Variants in UNC13C observed in about 807,000 individuals in gnomAD.
The protein encoded by UNC13C is unc-13 homolog C.
In UNC13C, 174 loss-of-function variants were observed where a neutral mutation model predicts 245.4. The ratio of observed to expected loss-of-function variants is 0.71; its 90% CI spans 0.63 to 0.80. UNC13C has a LOEUF of 0.80. Ranked by LOEUF, UNC13C falls within the 30% of genes least tolerant of loss-of-function variation. The pLI is 0.00. For missense variants in UNC13C, 2,829 were observed against 2,602.9 expected, an observed-to-expected ratio of 1.09 and a Z score of -1.89; for synonymous variants, 992 against 895.1, an observed-to-expected ratio of 1.11 and a Z score of -1.93.
At chr15:54,586,536 C>A (rs1029909579) in intron 30 of UNC13C, among the ~76,000 whole-genome samples, 3 of 152,204 alleles carry the variant, frequency 2.0e-5, no homozygotes, top group Non-Finnish European at 4.4e-5. Context: ...ATCCTTGTCA[C>A]CTCATCTAAC....
At position 54,601,512 on chromosome 15, in the gene UNC13C, T is replaced by C. The variant is rs530787726; in HGVS notation, c.6107-20815T>C. On this transcript the variant is annotated intron_variant, in intron 30 of 32. Transcript: ENST00000260323. Reference sequence around the variant, plus strand: ...CACAGAAGAAAAGACAGACACAAAATGTGGGCAAAGTGGTGTAGAAATTGT... The same window carrying C: ...CACAGAAGAAAAGACAGACACAAAACGTGGGCAAAGTGGTGTAGAAATTGT... 5.3e-5 allele frequency among the ~76,000 whole-genome samples: 8 copies of C among 152,150 alleles called. No homozygotes were observed. The South Asian group carries it at 1.7e-3, about 32-fold the overall frequency.
At chr15:54,225,582 A>C (rs2035357887) in intron 4 of UNC13C, among the ~76,000 whole-genome samples, 1 of 152,118 alleles carries the variant, frequency 6.6e-6, no homozygotes, top group Non-Finnish European at 1.5e-5. Context: ...TGTGAATGAG[A>C]GTTCACTCAT....
intron 1 of UNC13C, among the ~76,000 whole-genome samples, chr15:53,990,993 A>G (rs976063671): frequency 2.6e-5 from 4 of 152,010 alleles, no homozygotes; most frequent in Admixed American, 2.6e-4. Flanking sequence ...CCAGTGGAAC[A>G]CTGAGAGTGG....
chr15:54,615,685 TGG>T (rs1900386834), intron 30 of UNC13C, among the ~76,000 whole-genome samples: 1 of 152,060 alleles, frequency 6.6e-6, no homozygotes, highest in Non-Finnish European at 1.5e-5. Flanking sequence ...AGGCATTAGT[TGG>T]GGTTGAAAGT....
intron 17 of UNC13C, among the ~76,000 whole-genome samples, chr15:54,379,846 AATT>A (rs2039683144): frequency 6.6e-6 from 1 of 152,124 alleles, no homozygotes. Context: ...TGGGTTTTAA[AATT>A]ATTATTTTTT....
intron 13 of UNC13C, among the ~76,000 whole-genome samples, chr15:54,311,288 A>G (rs900888755): frequency 3.3e-5 from 5 of 151,930 alleles, no homozygotes; most frequent in African/African-American, 1.2e-4. Context: ...ACAGGTGGCA[A>G]CTACTCCTAA....
chr15:54,442,896 T>C (rs1339401229), intron 19 of UNC13C, among the ~76,000 whole-genome samples: 2 of 152,144 alleles, frequency 1.3e-5, no homozygotes, highest in African/African-American at 4.8e-5. Context: ...TGTGTCCTTT[T>C]CTGGTTTTAG....
intron 17 of UNC13C, among the ~76,000 whole-genome samples, chr15:54,351,944 A>T (rs1405814147): frequency 1.3e-5 from 2 of 151,986 alleles, no homozygotes; most frequent in African/African-American, 4.8e-5. Context: ...CTGATTCTAA[A>T]ATCAGGAGGT....
chr15:53,994,109 T>G (rs929491942), intron 1 of UNC13C, among the ~76,000 whole-genome samples: 15 of 151,892 alleles, frequency 9.9e-5, no homozygotes, highest in Admixed American at 2.6e-4. Flanking sequence ...TGATTATTTA[T>G]TCTCAGAGCT....
chr15:54,483,733 T>G (rs5017621), intron 19 of UNC13C, among the ~76,000 whole-genome samples: 62,810 of 152,086 alleles, frequency 0.41, 13,249 homozygotes, highest in East Asian at 0.62. Flanking sequence ...GGGATGACTG[T>G]CATGAGCCAC....
intron 29 of UNC13C, among the ~76,000 whole-genome samples, chr15:54,556,309 T>C (rs934393577): frequency 1.9e-4 from 29 of 152,198 alleles, no homozygotes; most frequent in African/African-American, 7.0e-4. Context: ...CATGACCCAT[T>C]TGTAGAGCAT....
In UNC13C at chr15:54,627,169, T is replaced by TGCAAATACATGGGAATGTTTAG. The variant is rs1901230234; in HGVS notation, c.*57_*78dup. 5.0e-5 allele frequency: 75 copies of TGCAAATACATGGGAATGTTTAG among 1,485,614 alleles called. 3 individuals carry two copies. In the South Asian group the frequency reaches 9.4e-4, roughly 19 times the overall value. 92.0% of individuals were successfully genotyped at this position (1,485,614 alleles called of 1,614,324 possible). On this transcript the variant is annotated 3_prime_UTR_variant, in exon 33 of 33. Coordinates refer to ENST00000260323, the MANE Select transcript of UNC13C (RefSeq NM_001080534.3). ...TAATTGTTTGACTACTGCATGCATG[T>TGCAAATACATGGGAATGTTTAG]GCAAATACATGGGAATGTTTAGTTC...
chr15:54,586,392 A>C (rs1223746283), intron 30 of UNC13C, among the ~76,000 whole-genome samples: 1 of 152,170 alleles, frequency 6.6e-6, no homozygotes. Flanking sequence ...TTTTGGTGAG[A>C]TTGCTCTTCC....
At chr15:54,082,772 A>T (rs1452617133) in intron 2 of UNC13C, among the ~76,000 whole-genome samples, 1 of 152,020 alleles carries the variant, frequency 6.6e-6, no homozygotes, top group African/African-American at 2.4e-5. Context: ...CCTTGAGGGT[A>T]TGACTATGGT....
intron 2 of UNC13C, among the ~76,000 whole-genome samples, chr15:54,059,151 TG>T (rs1445972775): frequency 6.6e-6 from 1 of 152,090 alleles, no homozygotes; most frequent in African/African-American, 2.4e-5. Context: ...GGTGTTCAAT[TG>T]GGAAAAGAAG....
intron 17 of UNC13C, among the ~76,000 whole-genome samples, chr15:54,389,029 T>G (rs1467941454): frequency 1.3e-5 from 2 of 152,178 alleles, no homozygotes; most frequent in African/African-American, 4.8e-5. Flanking sequence ...AATCCTATGT[T>G]TAAAATCTTT....
chr15:53,938,835 G>C, the UNC13C span, among the ~76,000 whole-genome samples: 1 of 152,014 alleles, frequency 6.6e-6, no homozygotes. Context: ...CAGCATCTCT[G>C]GTATACAACT....
chr15:54,603,019 G>A (rs192570087), intron 30 of UNC13C, among the ~76,000 whole-genome samples: 1 of 152,268 alleles, frequency 6.6e-6, no homozygotes, highest in Admixed American at 6.5e-5. Context: ...TGGTGCATCT[G>A]TTTAGTCCTT....
At chr15:54,129,719 T>G (rs536916675) in intron 2 of UNC13C, among the ~76,000 whole-genome samples, 2 of 151,692 alleles carry the variant, frequency 1.3e-5, no homozygotes, top group South Asian at 4.2e-4. Context: ...TCTCAGAACT[T>G]TTCAAAATCT....
Sources: gnomAD v4.1 joint callset for allele counts (sites outside exome capture counted in the v4.1 genomes callset) on GRCh38, gnomAD v4.1.1 for gene constraint, MANE v1.5 for transcripts, NCBI Gene and HGNC (gene_info 2026-07-23, HGNC 2026-07-21) for gene names.